LYST: variants seen among roughly 807,000 people sequenced by gnomAD.
LYST encodes the protein lysosomal-trafficking regulator.
LYST carries 192 observed loss-of-function variants against 413.6 expected under a neutral mutation model. The observed-to-expected ratio is 0.46, with a 90% CI of 0.41 to 0.52. LYST has a LOEUF of 0.52. LYST is among the 20% of genes least tolerant of loss of function. The probability of loss-of-function intolerance (pLI) is 0.00; values close to 1 mark genes in which losing one functional copy is unlikely to be tolerated. For missense variants in LYST, 3,815 were observed against 4,499.9 expected, an observed-to-expected ratio of 0.85 and a Z score of 4.35; for synonymous variants, 1,525 against 1,567.3, an observed-to-expected ratio of 0.97 and a Z score of 0.64.
chr1:235,675,781 G>A (rs1354028926), intron 50 of LYST, among the ~76,000 whole-genome samples: 1 of 152,186 alleles, frequency 6.6e-6, no homozygotes, highest in African/African-American at 2.4e-5. Context: ...ACCTGAGGGT[G>A]GGGCTCATGG....
chr1:235,695,656 G>T, intron 46 of LYST, among the ~76,000 whole-genome samples: 1 of 122,838 alleles, frequency 8.1e-6, no homozygotes, highest in African/African-American at 3.3e-5. Context: ...TTTTTGAGAC[G>T]GAGTCTTGCT....
rs1441647866 is a variant in LYST at position 235,766,090 on chromosome 1, G to T, written c.6110C>A (p.Ser2037Tyr). The T allele has an allele frequency of 6.2e-7, 1 of 1,612,480 alleles. No individual in the cohort carries two copies. Among genetic ancestry groups the T allele is most frequent in the African/African-American group, 1.3e-5 (1 of 74,866 alleles). Residue 2037 changes from serine (S) to tyrosine (Y), a missense_variant, in exon 21 of 53, where the codon TCT becomes TAT. Physicochemically the swap from Ser to Tyr is moderately radical, Grantham distance 144. Transcript: ENST00000389793. ...VCHNPTNFYF[S>Y]LHIDGKIFQE... ...ATGATTATACCTACCTATGTGCAAA[G>T]AAAAGTAGAAGTTCGTGGGATTGTG... is the stretch of plus-strand genomic sequence containing the variant.
intron 1 of LYST, among the ~76,000 whole-genome samples, chr1:235,880,968 A>C (rs1283421831): frequency 6.6e-6 from 1 of 152,154 alleles, no homozygotes; most frequent in Non-Finnish European, 1.5e-5. Flanking sequence ...TCTACAAAAA[A>C]TAAAAAAATT....
rs567035455 is a variant in LYST at position 235,805,921 on chromosome 1, G to T, written c.3215C>A (p.Ser1072Tyr). 1.2e-6 allele frequency: 2 copies of T among 1,613,870 alleles called. No homozygotes were observed. Among genetic ancestry groups the T allele is most frequent in the South Asian group, 2.2e-5 (2 of 91,084 alleles). The stretch of plus-strand genomic sequence containing the variant: ...AGCTGAAACTTCTTCCACATTTATG[G>T]AAGAAATATGCTGTAACTCTAATTT... ...LGKLELQHIS[S>Y]INVEEVSATE... The change falls in exon 6 of 53, where the codon TCC becomes TAC. Residue 1072 changes from serine to tyrosine, a missense_variant. Around this residue, in one of 4 missense-constraint regions of LYST, gnomAD observed 1,648 missense variants for 1,810.3 expected, o/e 0.91. Coordinates refer to ENST00000389793, the MANE Select transcript of LYST (RefSeq NM_000081.4).
Position 235,697,142 on chromosome 1 carries a change from C to G in LYST, c.10505G>C (p.Arg3502Thr), listed in dbSNP as rs1256560786. Residue 3502 changes from arginine (R) to threonine (T), a missense_variant, in exon 46 of 53, where the codon AGA (arginine) becomes ACA (threonine). Physicochemically the swap from Arg to Thr is moderately conservative, Grantham distance 71 (BLOSUM62 -1). Around this residue, in one of 4 missense-constraint regions of LYST, gnomAD observed 866 missense variants for 1,156.0 expected, o/e 0.75. Coordinates refer to ENST00000389793, the MANE Select transcript of LYST (RefSeq NM_000081.4). ...RFGSLQALPT[R>T]AICGLSRNFC... ...ATTCCGTGACAAACCACAGATTGCTCTGGTGGGCAGAGCCTGGAGAGAGCC... is the reference window on the plus strand; with the variant it reads ...ATTCCGTGACAAACCACAGATTGCTGTGGTGGGCAGAGCCTGGAGAGAGCC... 6.2e-7 allele frequency: 1 copy of G among 1,614,222 alleles called. No homozygotes were observed. Among genetic ancestry groups the G allele is most frequent in the Admixed American group, 1.7e-5 (1 of 60,024 alleles).
In LYST at chr1:235,702,795, C is replaced by T; in HGVS notation, c.10326G>A (p.Gln3442=). 6.2e-7 allele frequency: 1 copy of T among 1,614,196 alleles called. No individual in the cohort carries two copies. The highest frequency in any genetic ancestry group is 8.5e-7 in the Non-Finnish European group (1 of 1,180,034). The change falls in exon 45 of 53, where the codon CAG becomes CAA. Residue 3442 remains glutamine, a synonymous_variant. Transcript: ENST00000389793. ...GTTCTCGGGTCTCCCTGAAAGCAAA[C>T]TGCACTAGCAACCCCACAGCAGCTG... ...ELPAAVGLLV[Q]FAFRETREQV...
intron 44 of LYST, among the ~76,000 whole-genome samples, chr1:235,706,095 C>A (rs747376348): frequency 3.3e-5 from 5 of 152,244 alleles, no homozygotes; most frequent in Non-Finnish European, 7.4e-5. Context: ...GCCTGGCCTC[C>A]TAATTGCTTT....
chr1:235,671,684 A>C (rs1245896084), intron 50 of LYST, among the ~76,000 whole-genome samples: 1 of 152,240 alleles, frequency 6.6e-6, no homozygotes, highest in Non-Finnish European at 1.5e-5. Context: ...TGTTTAAGGA[A>C]TAACAAAGAG....
intron 48 of LYST, among the ~76,000 whole-genome samples, chr1:235,685,515 C>T (rs1660144629): frequency 6.6e-6 from 1 of 151,954 alleles, no homozygotes; most frequent in Non-Finnish European, 1.5e-5. Context: ...TGCAAAGAAA[C>T]TTAACAAGAG....
intron 39 of LYST, among the ~76,000 whole-genome samples, chr1:235,722,537 G>C (rs573803944): frequency 6.6e-6 from 1 of 152,324 alleles, no homozygotes; most frequent in South Asian, 2.1e-4. Context: ...CCAGGCTGGA[G>C]TGTAATGGCG....
chr1:235,849,179 G>T (rs1390175308), intron 1 of LYST, among the ~76,000 whole-genome samples: 2 of 152,106 alleles, frequency 1.3e-5, no homozygotes, highest in East Asian at 1.9e-4. Context: ...ATGATCAAGT[G>T]GGTTTCATAC....
rs191143851 is a variant in LYST, at chr1:235,840,918, G to C, written c.-97-7251C>G. ...ATTGGATGGAGAAGTGAGTGGTAAGGGAGGGATCAGGACAACTCTCTGAAT... is the reference window on the plus strand; with the variant it reads ...ATTGGATGGAGAAGTGAGTGGTAAGCGAGGGATCAGGACAACTCTCTGAAT... On this transcript the variant is annotated intron_variant, in intron 1 of 52. Coordinates refer to ENST00000389793, the MANE Select transcript of LYST (RefSeq NM_000081.4). Among the ~76,000 whole-genome samples, 9 of 152,302 alleles carry C rather than the reference G, an allele frequency of 5.9e-5. No homozygotes were observed. In the East Asian group the frequency reaches 1.7e-3, roughly 29 times the overall value.
rs148859722 is a variant in LYST, at chr1:235,666,109, G to A, written c.11039-1488C>T. Among the ~76,000 whole-genome samples the A allele has an allele frequency of 5.3e-3, 798 of 151,826 alleles. 9 individuals carry two copies. Among genetic ancestry groups the A allele is most frequent in the African/African-American group, 0.018 (741 of 41,350 alleles). On this transcript the variant is annotated intron_variant, in intron 50 of 52. Coordinates refer to ENST00000389793, the MANE Select transcript of LYST (RefSeq NM_000081.4). The stretch of plus-strand genomic sequence containing the variant: ...TTTATTTAAAAATATGCCAAAGACC[G>A]CCAAATACCACAGATCAAAATGCCC...
rs1020736833 is a variant in LYST, at chr1:235,764,495, CT to C, written c.6121+1583del. ...TACTACATTTCTTTTTTTTTCTTTTCTTTTTTTTTTTTTTTTTTTTTGAGAT... is the reference window on the plus strand; with the variant it reads ...TACTACATTTCTTTTTTTTTCTTTTCTTTTTTTTTTTTTTTTTTTTGAGAT... On this transcript the variant is annotated intron_variant, in intron 21 of 52. Transcript: ENST00000389793. Among the ~76,000 whole-genome samples the C allele has an allele frequency of 7.6e-3, 740 of 97,918 alleles. 1 individual carries two copies. Among genetic ancestry groups the C allele is most frequent in the Non-Finnish European group, 0.012 (569 of 48,720 alleles). The allele number at this position is 97,918 out of a possible 152,430, so 64.2% of individuals were successfully genotyped here. A position where few individuals can be genotyped will look rare whatever the true frequency, so the allele number is the denominator to read the frequency against.
chr1:235,811,055 G>C (rs1206724708), intron 4 of LYST, among the ~76,000 whole-genome samples: 1 of 152,212 alleles, frequency 6.6e-6, no homozygotes, highest in Non-Finnish European at 1.5e-5. Context: ...TGAGGCAGGA[G>C]AATCTCTTGA....
rs149033064 is a variant in LYST, at chr1:235,759,060, G to A, written c.6793C>T (p.Leu2265Phe). The A allele has an allele frequency of 6.2e-7, 1 of 1,613,966 alleles. No homozygotes were observed. The highest frequency in any genetic ancestry group is 2.2e-5 in the East Asian group (1 of 44,882). The change falls in exon 23 of 53, where the codon CTT (leucine) becomes TTT (phenylalanine). Residue 2265 changes from leucine to phenylalanine, a missense_variant. Leu to Phe is a conservative substitution (Grantham distance 22). Around this residue, in one of 4 missense-constraint regions of LYST, gnomAD observed 771 missense variants for 837.1 expected, o/e 0.92. Transcript: ENST00000389793. ...GSAAVGRWPS[L>F]VDRNTDDWEN... ...CAATCATCAGTGTTTCTATCAACAAGACTTGGCCAACGGCCAACAGCTGCA... is the reference window on the plus strand; with the variant it reads ...CAATCATCAGTGTTTCTATCAACAAAACTTGGCCAACGGCCAACAGCTGCA...
At position 235,731,016 on chromosome 1, in the gene LYST, A is replaced by G; in HGVS notation, c.8947+16T>C. 6.2e-7 allele frequency: 1 copy of G among 1,611,948 alleles called. No individual in the cohort carries two copies. The highest frequency in any genetic ancestry group is 8.5e-7 in the Non-Finnish European group (1 of 1,177,978). On this transcript the variant is annotated intron_variant, in intron 35 of 52. Transcript: ENST00000389793. ...CTCTGCTATATTTATATGTTGAGTCAAGAAGCCACTATTACCTTCTGATTT... is the reference window on the plus strand; with the variant it reads ...CTCTGCTATATTTATATGTTGAGTCGAGAAGCCACTATTACCTTCTGATTT...
chr1:235,881,300 G>A (rs1056620417), intron 1 of LYST, among the ~76,000 whole-genome samples: 19 of 152,236 alleles, frequency 1.2e-4, no homozygotes, highest in African/African-American at 4.6e-4. Flanking sequence ...ACAGGGAAGA[G>A]TCAGATGTTC....
intron 1 of LYST, among the ~76,000 whole-genome samples, chr1:235,849,194 G>C (rs1678237925): frequency 1.3e-5 from 2 of 152,108 alleles, no homozygotes; most frequent in Admixed American, 6.5e-5. Context: ...TCATACCAGG[G>C]ATGCAGGGAT....
Sources: allele counts gnomAD v4.1 joint callset (sites outside exome capture counted in the v4.1 genomes callset), GRCh38; gene constraint gnomAD v4.1.1; regional missense constraint gnomAD v4.1.1; transcripts MANE v1.5; gene names NCBI Gene and HGNC (gene_info 2026-07-23, HGNC 2026-07-21).